SHANK1: variants seen among roughly 807,000 people sequenced by gnomAD.
The protein encoded by SHANK1 is SH3 and multiple ankyrin repeat domains 1, also known as SH3 and multiple ankyrin repeat domains protein 1.
In SHANK1, 35 loss-of-function variants were observed where a neutral mutation model predicts 165.6. The observed-to-expected ratio is 0.21, with a 90% CI of 0.16 to 0.28. The LOEUF (loss-of-function observed/expected upper bound fraction) is 0.28, where lower values mean the gene tolerates loss of function less well. Among genes scored for constraint, SHANK1 ranks in the 10% least tolerant of loss-of-function variants. SHANK1 has a pLI of 1.00. For synonymous variants in SHANK1, 1,428 were observed against 1,384.8 expected, an observed-to-expected ratio of 1.03 and a Z score of -0.69; for missense variants, 2,681 against 3,036.4, an observed-to-expected ratio of 0.88 and a Z score of 2.75.
In SHANK1 at chr19:50,717,017, G is replaced by T; in HGVS notation, c.-43-55C>A. On this transcript the variant is annotated intron_variant, in intron 1 of 23. Transcript: ENST00000293441. The surrounding 1 kb of genome is among the most constrained non-coding windows in gnomAD (Gnocchi z 5.5). ...AGGAGCCCGGGACCCCTCAGAGGCCGCAGGCGCTATTCGGTGGTCAAGCGG... is the reference window on the plus strand; with the variant it reads ...AGGAGCCCGGGACCCCTCAGAGGCCTCAGGCGCTATTCGGTGGTCAAGCGG... 7.5e-7 allele frequency: 1 copy of T among 1,332,154 alleles called. No homozygotes were observed. The highest frequency in any genetic ancestry group is 9.7e-7 in the Non-Finnish European group (1 of 1,033,104). 82.5% of individuals were successfully genotyped at this position (1,332,154 alleles called of 1,614,324 possible). A position where few individuals can be genotyped will look rare whatever the true frequency, so the allele number is the denominator to read the frequency against.
At chr19:50,696,370 C>T (rs1041919001) in intron 15 of SHANK1, among the ~76,000 whole-genome samples, 4 of 152,120 alleles carry the variant, frequency 2.6e-5, no homozygotes, top group Non-Finnish European at 5.9e-5. Context: ...CGCAGGGTGG[C>T]ACCCCAGCCC....
At chr19:50,677,293 A>G (rs1165548237) in intron 21 of SHANK1, among the ~76,000 whole-genome samples, 1 of 151,710 alleles carries the variant, frequency 6.6e-6, no homozygotes, top group Non-Finnish European at 1.5e-5. Flanking sequence ...ACACCCAGCT[A>G]ATTTTTGTAT....
At chr19:50,685,520 T>A (rs1986304323) in intron 21 of SHANK1, among the ~76,000 whole-genome samples, 1 of 152,128 alleles carries the variant, frequency 6.6e-6, no homozygotes, top group Admixed American at 6.5e-5. Flanking sequence ...GGCCAGGAGT[T>A]TGAGACCAGC....
chr19:50,689,054 G>A, intron 16 of SHANK1, 86 bp from the exon 17 acceptor site: 2 of 1,147,584 alleles, frequency 1.7e-6, no homozygotes, highest in African/African-American at 1.5e-5. Context: ...AAGTCACGGA[G>A]GCCTCACCGC....
Position 50,715,648 on chromosome 19 carries a change from G to A in SHANK1, c.531+11C>T, listed in dbSNP as rs746619373. Reference sequence around the variant, plus strand: ...GGCTATAGGGGATAGATGCCAGCAGGGTTTTCTCACCTTCGTGTGCAACTT... The same window carrying A: ...GGCTATAGGGGATAGATGCCAGCAGAGTTTTCTCACCTTCGTGTGCAACTT... On this transcript the variant is annotated intron_variant, in intron 4 of 23. Coordinates refer to ENST00000293441, the MANE Select transcript of SHANK1 (RefSeq NM_016148.5). The A allele has an allele frequency of 1.9e-6, 3 of 1,613,620 alleles. No homozygotes were observed. The highest frequency in any genetic ancestry group is 1.1e-5 in the South Asian group (1 of 91,068).
At chr19:50,694,617 G>T (rs1410155268) in intron 15 of SHANK1, among the ~76,000 whole-genome samples, 1 of 124,314 alleles carries the variant, frequency 8.0e-6, no homozygotes, top group African/African-American at 3.1e-5. Context: ...GGAAGGGCCT[G>T]TGAGGGGGTG....
chr19:50,710,774 G>T (rs550966114), intron 8 of SHANK1, among the ~76,000 whole-genome samples: 4 of 152,338 alleles, frequency 2.6e-5, no homozygotes, highest in Non-Finnish European at 5.9e-5. Context: ...GGGGCTGCAC[G>T]TTGGCCTTTC....
chr19:50,675,317 C>T (rs999179267), intron 21 of SHANK1, among the ~76,000 whole-genome samples: 1 of 152,222 alleles, frequency 6.6e-6, no homozygotes, highest in African/African-American at 2.4e-5. Context: ...CTCTGTTGCA[C>T]TGGCCACATT....
chr19:50,679,507 C>T (rs1026870057), intron 21 of SHANK1, among the ~76,000 whole-genome samples: 1 of 152,160 alleles, frequency 6.6e-6, no homozygotes, highest in African/African-American at 2.4e-5. Flanking sequence ...CACCAACCAA[C>T]GGGAGCATTC....
chr19:50,662,907 C>T lies in SHANK1; in HGVS notation c.5769-225G>A, dbSNP rs531736079. Among the ~76,000 whole-genome samples, 5 of 151,070 alleles carry T rather than the reference C, an allele frequency of 3.3e-5. No homozygotes were observed. Among genetic ancestry groups the T allele is most frequent in the Admixed American group, 6.6e-5 (1 of 15,150 alleles). ...GAAAGATGAGAGGACAGGGAGAGGG[C>T]GACAGTTAAGAGAGATGAAAGAAAA... On this transcript the variant is annotated intron_variant, in intron 23 of 23. Transcript: ENST00000293441. This position sits in a 1 kb window ranked among gnomAD's most constrained non-coding sequence, Gnocchi z 7.7.
intron 23 of SHANK1, among the ~76,000 whole-genome samples, chr19:50,664,402 A>G (rs997395621): frequency 6.6e-6 from 1 of 152,232 alleles, no homozygotes; most frequent in East Asian, 1.9e-4. Context: ...CATCTGCATC[A>G]TCCCGTATTT....
chr19:50,711,218 A>ATGGATGGT (rs397724067), intron 8 of SHANK1, 153 bp downstream of exon 8: 1 of 567,682 alleles, frequency 1.8e-6, no homozygotes, highest in Admixed American at 3.0e-5. Flanking sequence ...GGATGGATGG[A>ATGGATGGT]GGAATGAATG....
rs1323244967 is a variant in SHANK1 at position 50,688,825 on chromosome 19, A to G, written c.2172+19T>C. 3.7e-6 allele frequency: 6 copies of G among 1,604,392 alleles called. No individual in the cohort carries two copies. The highest frequency in any genetic ancestry group is 4.3e-6 in the Non-Finnish European group (5 of 1,175,302). On this transcript the variant is annotated intron_variant, in intron 17 of 23. Transcript: ENST00000293441. The surrounding 1 kb of genome is among the most constrained non-coding windows in gnomAD (Gnocchi z 6.7). The stretch of plus-strand genomic sequence containing the variant: ...AACTTGTCACAGGGTCCCAGGGAAG[A>G]GAGGGGGCCTGGACTGACCTCGATG...
In SHANK1 at chr19:50,668,717, A is replaced by G; in HGVS notation, c.3243T>C (p.Ala1081=). 2 of 1,275,456 alleles carry G rather than the reference A, an allele frequency of 1.6e-6. No individual in the cohort carries two copies. Among genetic ancestry groups the G allele is most frequent in the South Asian group, 2.7e-5 (1 of 37,112 alleles). 79.0% of individuals were successfully genotyped at this position (1,275,456 alleles called of 1,614,324 possible). A position where few individuals can be genotyped will look rare whatever the true frequency, so the allele number is the denominator to read the frequency against. The stretch of plus-strand genomic sequence containing the variant: ...GCGGGGGCAGCTGGAAATAGCGTAG[A>G]GCCGGGCCCTGGGAGGAGCCGCCGC... ...GGGGGSSQGP[A]LRYFQLPPRA... Residue 1081 remains alanine (A), a synonymous_variant, in exon 23 of 24, where the codon GCT becomes GCC. Coordinates refer to ENST00000293441, the MANE Select transcript of SHANK1 (RefSeq NM_016148.5).
At chr19:50,692,472 T>TATAC (rs1037995388) in intron 15 of SHANK1, among the ~76,000 whole-genome samples, 5 of 145,408 alleles carry the variant, frequency 3.4e-5, no homozygotes, top group Non-Finnish European at 7.6e-5. Flanking sequence ...TATATATATA[T>TATAC]ACACACACAC....
At chr19:50,663,593 G>C (rs1195313907) in intron 23 of SHANK1, among the ~76,000 whole-genome samples, 2 of 152,070 alleles carry the variant, frequency 1.3e-5, no homozygotes, top group African/African-American at 2.4e-5. Flanking sequence ...TAGACTATGA[G>C]CCCTGTGGAG....
In SHANK1 at chr19:50,702,634, G is replaced by A; in HGVS notation, c.1580C>T (p.Pro527Leu). The A allele has an allele frequency of 6.3e-7, 1 of 1,579,208 alleles. No individual in the cohort carries two copies. The highest frequency in any genetic ancestry group is 8.6e-7 in the Non-Finnish European group (1 of 1,163,862). The change falls in exon 12 of 24, where the codon CCA becomes CTA. Residue 527 changes from proline (P) to leucine (L), a missense_variant. By Grantham distance (98) the Pro-to-Leu change is moderately conservative. Around this residue, in one of 10 missense-constraint regions of SHANK1, gnomAD observed 195 missense variants for 186.2 expected, o/e 1.05. Coordinates refer to ENST00000293441, the MANE Select transcript of SHANK1 (RefSeq NM_016148.5). The surrounding 1 kb of genome is among the most constrained non-coding windows in gnomAD (Gnocchi z 5.3). The part of the protein sequence containing the change: ...PSSSGTPREG[P>L]AGGTGGSGGP... ...CCCTGAGCCCCCCGTGCCCCCGGCT[G>A]GCCCTTCCCGGGGTGTCCCGCTGGA...
In SHANK1 at chr19:50,668,691, C is replaced by A. The variant is rs1985667738; in HGVS notation, c.3269G>T (p.Arg1090Leu). The change falls in exon 23 of 24, where the codon CGG becomes CTG. Residue 1090 changes from arginine (R) to leucine (L), a missense_variant. Transcript: ENST00000293441. Reference sequence around the variant, plus strand: ...CACGTACATGGCTGCGCTGGCCGCCCGCGGGGGCAGCTGGAAATAGCGTAG... The same window carrying A: ...CACGTACATGGCTGCGCTGGCCGCCAGCGGGGGCAGCTGGAAATAGCGTAG... Reference protein sequence around the residue: ...PALRYFQLPPRAASAAMYVPA... With the variant: ...PALRYFQLPPLAASAAMYVPA... The A allele has an allele frequency of 1.5e-6, 2 of 1,304,538 alleles. No individual in the cohort carries two copies. Among genetic ancestry groups the A allele is most frequent in the Admixed American group, 4.1e-5 (1 of 24,528 alleles). 80.8% of individuals were successfully genotyped at this position (1,304,538 alleles called of 1,614,324 possible). A position where few individuals can be genotyped will look rare whatever the true frequency, so the allele number is the denominator to read the frequency against.
At chr19:50,707,825 G>A (rs531882855) in intron 8 of SHANK1, among the ~76,000 whole-genome samples, 6 of 152,108 alleles carry the variant, frequency 3.9e-5, no homozygotes, top group South Asian at 2.1e-4. Context: ...GTGTATGCCC[G>A]TGCTGCTGGC....
Sources: allele counts gnomAD v4.1 joint callset (sites outside exome capture counted in the v4.1 genomes callset), GRCh38; gene constraint gnomAD v4.1.1; regional missense constraint gnomAD v4.1.1; non-coding constraint Gnocchi (gnomAD v3.1); transcripts MANE v1.5; gene names NCBI Gene and HGNC (gene_info 2026-07-23, HGNC 2026-07-21).